The following ANKFN1 variants were observed in gnomAD, a reference collection of about 807,000 sequenced individuals.
The protein encoded by ANKFN1 is ankyrin repeat and fibronectin type-III domain-containing protein 1.
ANKFN1 carries 74 observed loss-of-function variants against 108.7 expected under a neutral mutation model. The observed-to-expected ratio is 0.68, with a 90% CI of 0.56 to 0.83. The LOEUF is 0.83. ANKFN1 is among the 40% of genes least tolerant of loss of function. ANKFN1 has a pLI of 0.00. For synonymous variants in ANKFN1, 547 were observed against 516.2 expected (o/e 1.06, Z -0.81); for missense variants, 1,505 against 1,382.3 (o/e 1.09, Z -1.41).
At chr17:56,067,569 A>T (rs531103369) in intron 4 of ANKFN1, among the ~76,000 whole-genome samples, 5 of 152,198 alleles carry the variant, frequency 3.3e-5, no homozygotes, top group African/African-American at 1.2e-4. Context: ...GATTATAAGG[A>T]TCTATGAAAG....
intron 3 of ANKFN1, among the ~76,000 whole-genome samples, chr17:56,312,539 T>A (rs2045061097): frequency 6.6e-6 from 1 of 152,212 alleles, no homozygotes; most frequent in Non-Finnish European, 1.5e-5. Flanking sequence ...CTGCCCTAAC[T>A]GCCAAATCTC....
Position 56,498,931 on chromosome 17 carries a change from A to G in ANKFN1, c.2477A>G (p.Gln826Arg). Residue 826 changes from glutamine (Q) to arginine (R), a missense_variant, in exon 20 of 21, where the codon CAG becomes CGG. Transcript: ENST00000682825. Reference sequence around the variant, plus strand: ...ATGAGATGGATCATGGATGCTCTACAGTATGCAAGATACAAACAACCAGTT... The same window carrying G: ...ATGAGATGGATCATGGATGCTCTACGGTATGCAAGATACAAACAACCAGTT... ...REMRWIMDAL[Q>R]YARYKQPVSG... 3 of 1,535,766 alleles carry G rather than the reference A, an allele frequency of 2.0e-6. No individual in the cohort carries two copies. Among genetic ancestry groups the G allele is most frequent in the East Asian group, 2.4e-5 (1 of 40,914 alleles).
chr17:56,466,082 A>G (rs922733797), intron 14 of ANKFN1, among the ~76,000 whole-genome samples: 4 of 152,218 alleles, frequency 2.6e-5, no homozygotes, highest in Non-Finnish European at 4.4e-5. Context: ...ATGTACAGAT[A>G]CTGAATTTGC....
chr17:56,370,449 T>C (rs1158177280), intron 6 of ANKFN1, among the ~76,000 whole-genome samples: 2 of 152,180 alleles, frequency 1.3e-5, no homozygotes, highest in Non-Finnish European at 2.9e-5. Flanking sequence ...ATAGTGGGGA[T>C]TTCATAGTAT....
At chr17:56,368,216 AT>A in intron 6 of ANKFN1, 6 of 1,289,602 alleles carry the variant, frequency 4.7e-6, no homozygotes, top group Admixed American at 2.7e-5. Flanking sequence ...AAAGTCTGAA[AT>A]TTTTTTATCA....
chr17:56,201,948 C>T (rs1914101771), intron 1 of ANKFN1, among the ~76,000 whole-genome samples: 1 of 152,162 alleles, frequency 6.6e-6, no homozygotes, highest in African/African-American at 2.4e-5. Context: ...GCACTGAGAC[C>T]ATGGTGGGAG....
At chr17:56,496,683 G>A (rs1430151110) in intron 19 of ANKFN1, among the ~76,000 whole-genome samples, 1 of 152,062 alleles carries the variant, frequency 6.6e-6, no homozygotes, top group Non-Finnish European at 1.5e-5. Context: ...AGGATCCACA[G>A]AGAAAATCCA....
chr17:56,274,912 T>G (rs985824053), intron 3 of ANKFN1, among the ~76,000 whole-genome samples: 2 of 152,364 alleles, frequency 1.3e-5, no homozygotes, highest in South Asian at 4.1e-4. Context: ...TGAAAAAATG[T>G]ACCTTGCGGT....
chr17:56,112,973 A>G (rs560015497), intron 4 of ANKFN1, among the ~76,000 whole-genome samples: 106 of 152,326 alleles, frequency 7.0e-4, no homozygotes, highest in Non-Finnish European at 1.3e-3. Flanking sequence ...ATGACGTAGT[A>G]TTTCTGTAGG....
chr17:56,473,563 TGAGGCAGGAG>T (rs1226718188), intron 15 of ANKFN1: 73 of 143,568 alleles, frequency 5.1e-4, no homozygotes, highest in African/African-American at 1.7e-3. Context: ...CTCGGGAAGC[TGAGGCAGGAG>T]AATCGCTTGA....
intron 4 of ANKFN1, among the ~76,000 whole-genome samples, chr17:56,332,336 T>A (rs936852630): frequency 6.6e-6 from 1 of 152,200 alleles, no homozygotes; most frequent in South Asian, 2.1e-4. Flanking sequence ...CACAGGCTAC[T>A]CTTCCCATTT....
intron 3 of ANKFN1, among the ~76,000 whole-genome samples, chr17:56,267,826 G>A (rs2043692374): frequency 6.6e-6 from 1 of 152,144 alleles, no homozygotes; most frequent in South Asian, 2.1e-4. Context: ...GTCAGGTCTT[G>A]TGATGCCTCT....
intron 8 of ANKFN1, among the ~76,000 whole-genome samples, chr17:56,380,686 G>T (rs2047072602): frequency 1.3e-5 from 2 of 152,248 alleles, no homozygotes; most frequent in South Asian, 4.1e-4. Context: ...CTGATTGCTA[G>T]CACAGCAGTC....
chr17:56,349,670 C>T (rs923795517), intron 4 of ANKFN1, among the ~76,000 whole-genome samples: 8 of 152,072 alleles, frequency 5.3e-5, no homozygotes, highest in African/African-American at 1.4e-4. Context: ...AAATATTTAA[C>T]GTGATGGGAA....
chr17:56,466,596 C>T (rs375451631), intron 15 of ANKFN1, 25 bp downstream of exon 15: 958 of 1,563,708 alleles, frequency 6.1e-4, no homozygotes, highest in Middle Eastern at 3.5e-3. Flanking sequence ...TCTTAATTCC[C>T]GGGTATACTT....
At chr17:56,207,800 G>T (rs2037931601) in intron 1 of ANKFN1, among the ~76,000 whole-genome samples, 1 of 151,878 alleles carries the variant, frequency 6.6e-6, no homozygotes, top group African/African-American at 2.4e-5. Context: ...TTTTCATCAT[G>T]ACACTATTCC....
intron 1 of ANKFN1, among the ~76,000 whole-genome samples, chr17:56,198,491 C>T (rs1165865256): frequency 1.3e-5 from 2 of 152,180 alleles, no homozygotes; most frequent in Non-Finnish European, 2.9e-5. Context: ...CCACTGCTCA[C>T]CTCCTGCCGT....
intron 3 of ANKFN1, among the ~76,000 whole-genome samples, chr17:56,271,435 G>A (rs1317648663): frequency 1.3e-5 from 2 of 152,172 alleles, no homozygotes; most frequent in Non-Finnish European, 2.9e-5. Context: ...ATATTTAAAT[G>A]AGTGTGTGAC....
intron 2 of ANKFN1, among the ~76,000 whole-genome samples, chr17:56,225,975 C>A (rs1048202641): frequency 6.6e-6 from 1 of 152,150 alleles, no homozygotes; most frequent in East Asian, 1.9e-4. Flanking sequence ...GGCCAAAGAA[C>A]GCATTATGTG....
Sources: gnomAD v4.1 joint callset for allele counts (sites outside exome capture counted in the v4.1 genomes callset) on GRCh38, gnomAD v4.1.1 for gene constraint, MANE v1.5 for transcripts, NCBI Gene and HGNC (gene_info 2026-07-23, HGNC 2026-07-21) for gene names.